The following SLC25A13 variants were observed in gnomAD, a reference collection of about 807,000 sequenced individuals.
The protein encoded by SLC25A13 is electrogenic aspartate/glutamate antiporter SLC25A13, mitochondrial.
In SLC25A13, 70 loss-of-function variants were observed where a neutral mutation model predicts 85.5. The observed-to-expected ratio is 0.82, with a 90% CI of 0.68 to 1.00. The LOEUF is 1.00. SLC25A13 is among the 50% of genes least tolerant of loss of function. SLC25A13 has a pLI of 0.00. For missense variants in SLC25A13, 765 were observed against 819.8 expected, an observed-to-expected ratio of 0.93 and a Z score of 0.82; for synonymous variants, 259 against 288.7, an observed-to-expected ratio of 0.90 and a Z score of 1.04.
intron 4 of SLC25A13, chr7:96,219,808 A>C: frequency 1.9e-6 from 1 of 518,746 alleles, no homozygotes; most frequent in Non-Finnish European, 4.0e-6. Flanking sequence ...AGATTCATAC[A>C]CTATTTAAGT....
chr7:96,203,199 T>G (rs147961987), intron 5 of SLC25A13, among the ~76,000 whole-genome samples: 1 of 152,154 alleles, frequency 6.6e-6, no homozygotes, highest in African/African-American at 2.4e-5. Flanking sequence ...CAGGGTTGCC[T>G]AGTCCAGACC....
chr7:96,200,074 C>T (rs1795196790), intron 5 of SLC25A13, among the ~76,000 whole-genome samples: 1 of 151,724 alleles, frequency 6.6e-6, no homozygotes, highest in Admixed American at 6.6e-5. Context: ...TATTATAAAG[C>T]CAAAAATGCC....
chr7:96,171,390 G>A (rs528978990), intron 12 of SLC25A13, 82 bp downstream of exon 12: 1 of 1,279,534 alleles, frequency 7.8e-7, no homozygotes, highest in African/African-American at 1.5e-5. Flanking sequence ...AAACAAACCT[G>A]CTGTTTCCTA....
Position 96,146,645 on chromosome 7 carries a change from G to A in SLC25A13, c.1363C>T (p.Arg455Cys), listed in dbSNP as rs761402505. The change falls in exon 14 of 18, where the codon CGT becomes TGT. Residue 455 changes from arginine (R) to cysteine (C), a missense_variant. Physicochemically the swap from Arg to Cys is radical, Grantham distance 180 (BLOSUM62 -3). Transcript: ENST00000265631. ...FTNPLEIVKI[R>C]LQVAGEITTG... is the part of the protein sequence containing the mutation. ...GTGATTTCTCCTGCCACTTGCAAAC[G>A]GATCTTGACGATTTCTAAAGGATTT... 9.3e-6 allele frequency: 15 copies of A among 1,614,012 alleles called. No homozygotes were observed. The highest frequency in any genetic ancestry group is 6.7e-5 in the East Asian group (3 of 44,880).
intron 3 of SLC25A13, among the ~76,000 whole-genome samples, chr7:96,245,189 C>T (rs1200619498): frequency 6.6e-6 from 1 of 152,280 alleles, no homozygotes; most frequent in Middle Eastern, 3.4e-3. Context: ...TGATTCATCC[C>T]TTTTCTAGTT....
chr7:96,173,327 T>C (rs1301988109), intron 11 of SLC25A13, among the ~76,000 whole-genome samples: 1 of 152,228 alleles, frequency 6.6e-6, no homozygotes, highest in Non-Finnish European at 1.5e-5. Context: ...ATAACCACTC[T>C]ACAGAGAGGA....
At chr7:96,207,977 C>T (rs1156931223) in intron 5 of SLC25A13, among the ~76,000 whole-genome samples, 1 of 151,374 alleles carries the variant, frequency 6.6e-6, no homozygotes, top group African/African-American at 2.5e-5. Flanking sequence ...CCAGGCTTCC[C>T]CCCTGCCCCC....
At chr7:96,308,284 G>T (rs1799833271) in intron 1 of SLC25A13, among the ~76,000 whole-genome samples, 1 of 152,146 alleles carries the variant, frequency 6.6e-6, no homozygotes, top group Non-Finnish European at 1.5e-5. Context: ...AGACAATCTA[G>T]CAGCGCCTTG....
At chr7:96,224,333 T>A (rs1796251981) in intron 4 of SLC25A13, among the ~76,000 whole-genome samples, 1 of 152,190 alleles carries the variant, frequency 6.6e-6, no homozygotes. Flanking sequence ...GACCTTGTAG[T>A]GACTCCTAAT....
chr7:96,161,035 T>C (rs1229019802), intron 13 of SLC25A13, among the ~76,000 whole-genome samples: 1 of 151,934 alleles, frequency 6.6e-6, no homozygotes, highest in African/African-American at 2.4e-5. Flanking sequence ...CTCTTTTCTA[T>C]GATTCCTTCA....
chr7:96,153,791 T>C lies in SLC25A13; in HGVS notation c.1312-7095A>G, dbSNP rs1793141467. Among the ~76,000 whole-genome samples, 4 of 152,350 alleles carry C rather than the reference T, an allele frequency of 2.6e-5. No individual in the cohort carries two copies. In the South Asian group the frequency reaches 8.3e-4, roughly 32 times the overall value. ...GGGGACCCGACATTCAAAAACATTA[T>C]ATATCTTTATTAGAGGAGAACAATA... On this transcript the variant is annotated intron_variant, in intron 13 of 17. Coordinates refer to ENST00000265631, the MANE Select transcript of SLC25A13 (RefSeq NM_014251.3).
At chr7:96,284,423 T>G (rs1798808136) in intron 2 of SLC25A13, among the ~76,000 whole-genome samples, 2 of 152,222 alleles carry the variant, frequency 1.3e-5, no homozygotes, top group South Asian at 4.1e-4. Context: ...AAAGTGGATA[T>G]CATGCTTTTG....
At chr7:96,189,233 A>T in intron 9 of SLC25A13, 61 bp downstream of exon 9, 1 of 1,452,420 alleles carries the variant, frequency 6.9e-7, no homozygotes, top group Non-Finnish European at 9.6e-7. Context: ...TGCAAGTGGA[A>T]CAGGGTTGGG....
intron 2 of SLC25A13, 22 bp from the exon 3 acceptor site, chr7:96,277,360 A>G: frequency 1.3e-6 from 2 of 1,595,596 alleles, no homozygotes; most frequent in East Asian, 4.6e-5. Flanking sequence ...AAAGAAAAAC[A>G]GTATTTTATA....
At chr7:96,230,030 A>T (rs1796478910) in intron 4 of SLC25A13, among the ~76,000 whole-genome samples, 1 of 152,252 alleles carries the variant, frequency 6.6e-6, no homozygotes. Flanking sequence ...ACACCAAAAA[A>T]TATGTAAAGC....
chr7:96,248,810 A>C (rs1473604564), intron 3 of SLC25A13, among the ~76,000 whole-genome samples: 1 of 152,214 alleles, frequency 6.6e-6, no homozygotes, highest in Non-Finnish European at 1.5e-5. Context: ...TTTAAGCAAA[A>C]TATTTTCAAG....
At chr7:96,270,086 T>C (rs905586190) in intron 3 of SLC25A13, among the ~76,000 whole-genome samples, 3 of 152,226 alleles carry the variant, frequency 2.0e-5, no homozygotes, top group African/African-American at 7.2e-5. Context: ...AATCATATAT[T>C]GTATACTTGA....
At chr7:96,311,886 G>A (rs1799965085) in intron 1 of SLC25A13, among the ~76,000 whole-genome samples, 1 of 152,098 alleles carries the variant, frequency 6.6e-6, no homozygotes, top group African/African-American at 2.4e-5. Context: ...CTTTTATCCT[G>A]CTACCCTGTT....
chr7:96,131,232 T>A lies in SLC25A13; in HGVS notation c.1591+511A>T, dbSNP rs142133908. Among the ~76,000 whole-genome samples the A allele has an allele frequency of 7.8e-4, 119 of 152,346 alleles. 1 individual carries two copies. The highest frequency in any genetic ancestry group is 2.7e-3 in the African/African-American group (113 of 41,572). On this transcript the variant is annotated intron_variant, in intron 15 of 17. Coordinates refer to ENST00000265631, the MANE Select transcript of SLC25A13 (RefSeq NM_014251.3). ...GAAAAAAAGAAGATAGTTATTTCCA[T>A]CTGTGATTTAATTACCACCATCCCC...
Sources: allele counts gnomAD v4.1 joint callset (sites outside exome capture counted in the v4.1 genomes callset), GRCh38; gene constraint gnomAD v4.1.1; transcripts MANE v1.5; gene names NCBI Gene and HGNC (gene_info 2026-07-23, HGNC 2026-07-21).